The following WDR27 variants were observed in gnomAD, a reference collection of about 807,000 sequenced individuals.
WDR27 encodes WD repeat domain 27.
In WDR27, 100 loss-of-function variants were observed where a neutral mutation model predicts 114.4. That is an observed-to-expected ratio of 0.87 (90% confidence interval 0.74 to 1.03). The LOEUF (loss-of-function observed/expected upper bound fraction) is 1.03. WDR27 is among the 50% of genes least tolerant of loss of function. The pLI is 0.00. For synonymous variants in WDR27, 449 were observed against 423.1 expected (o/e 1.06, Z -0.75); for missense variants, 1,129 against 1,092.9 (o/e 1.03, Z -0.47).
Position 169,561,907 on chromosome 6 carries a change from A to G in WDR27, c.2645+10512T>C, listed in dbSNP as rs558413116. ...CCTAACACTAACAAAAGAAAGCTAG[A>G]GTGGCTATATTAATATCGGACAAAG... On this transcript the variant is annotated intron_variant, in intron 25 of 25. Coordinates refer to ENST00000448612, the MANE Select transcript of WDR27 (RefSeq NM_182552.5). Among the ~76,000 whole-genome samples the G allele has an allele frequency of 5.9e-4, 90 of 152,344 alleles. No homozygotes were observed. In the Middle Eastern group the frequency reaches 0.01, roughly 17 times the overall value.
At chr6:169,610,786 C>T (rs1810348867) in intron 22 of WDR27, among the ~76,000 whole-genome samples, 2 of 152,138 alleles carry the variant, frequency 1.3e-5, no homozygotes, top group South Asian at 4.1e-4. Flanking sequence ...AGTGAAGTAA[C>T]TCAGAAATGA....
At chr6:169,637,171 C>CGATA (rs1817838079) in intron 18 of WDR27, among the ~76,000 whole-genome samples, 1 of 152,120 alleles carries the variant, frequency 6.6e-6, no homozygotes, top group African/African-American at 2.4e-5. Flanking sequence ...GGTTATCTAT[C>CGATA]ATCTTCCTGT....
At chr6:169,486,155 T>G (rs1788857622) in intron 25 of WDR27, among the ~76,000 whole-genome samples, 2 of 145,750 alleles carry the variant, frequency 1.4e-5, no homozygotes, top group South Asian at 4.2e-4. Context: ...TTAAAAAGGT[T>G]TTTTTTTTTT....
chr6:169,602,317 C>G lies in WDR27; in HGVS notation c.2326G>C (p.Glu776Gln), dbSNP rs149946921. The G allele has an allele frequency of 1.1e-4, 171 of 1,543,300 alleles. No homozygotes were observed. In the African/African-American group the frequency reaches 1.9e-3, roughly 17 times the overall value. The change falls in exon 23 of 26, where the codon GAG becomes CAG. Residue 776 changes from glutamate (E) to glutamine (Q), a missense_variant. Transcript: ENST00000448612. ...RLWDLRTLRC[E>Q]RHFEGHPTRG... ...GTTGGATGCCCTTCAAAGTGGCGCT[C>G]ACACCTACAGGGAGGAAAGAAACAC... is the stretch of plus-strand genomic sequence containing the variant.
intron 25 of WDR27, among the ~76,000 whole-genome samples, chr6:169,458,493 T>C (rs1406034976): frequency 2.0e-5 from 3 of 152,070 alleles, no homozygotes; most frequent in Non-Finnish European, 4.4e-5. Flanking sequence ...AAAAAATGTA[T>C]AGGAGCCAGA....
intron 25 of WDR27, among the ~76,000 whole-genome samples, chr6:169,562,473 T>C (rs554652323): frequency 2.4e-4 from 36 of 152,238 alleles, no homozygotes; most frequent in African/African-American, 7.9e-4. Flanking sequence ...ATTTTCACAA[T>C]TTGGGGGATC....
At chr6:169,664,719 T>C in intron 7 of WDR27, 1 of 999,960 alleles carries the variant, frequency 1.0e-6, no homozygotes, top group Non-Finnish European at 1.2e-6. Context: ...TTTCAAATTA[T>C]AAAAACAGCA....
chr6:169,517,840 G>A (rs983422335), intron 25 of WDR27, among the ~76,000 whole-genome samples: 8 of 152,108 alleles, frequency 5.3e-5, no homozygotes, highest in Non-Finnish European at 8.8e-5. Flanking sequence ...GTTCAAGATT[G>A]CTTGCATGTG....
intron 1 of WDR27, chr6:169,689,221 G>C (rs150267336): frequency 7.5e-6 from 3 of 400,432 alleles, no homozygotes; most frequent in African/African-American, 2.1e-5. Context: ...TTCTTCTCAC[G>C]GGCTTTCCAG....
chr6:169,509,962 T>C (rs976041332), intron 25 of WDR27, among the ~76,000 whole-genome samples: 1 of 152,154 alleles, frequency 6.6e-6, no homozygotes, highest in African/African-American at 2.4e-5. Flanking sequence ...CATCAAAAAG[T>C]GGGCAAAGGA....
downstream of WDR27, among the ~76,000 whole-genome samples, chr6:169,455,791 A>G (rs996779929): frequency 1.3e-5 from 2 of 152,168 alleles, no homozygotes; most frequent in Admixed American, 6.5e-5. Context: ...TTATGCTGCA[A>G]CCTGACACAG....
At chr6:169,602,551 G>A (rs987996226) in intron 22 of WDR27, among the ~76,000 whole-genome samples, 1 of 152,028 alleles carries the variant, frequency 6.6e-6, no homozygotes, top group Non-Finnish European at 1.5e-5. Flanking sequence ...AAAACTAATA[G>A]TAAATAAGCT....
intron 25 of WDR27, among the ~76,000 whole-genome samples, chr6:169,516,835 A>ACACACACACACACC (rs1491176990): frequency 1.4e-5 from 2 of 144,554 alleles, no homozygotes; most frequent in African/African-American, 2.7e-5. Context: ...ACACACACAC[A>ACACACACACACACC]CCCCTCCCTT....
Position 169,670,557 on chromosome 6 carries a change from T to C in WDR27, c.456+12A>G. ...AACCCTTCCGTGAAATCCACGTGAA[T>C]TTCAATCTTACCTCAATATCCAGCA... On this transcript the variant is annotated intron_variant, in intron 4 of 25. Transcript: ENST00000448612. 3 of 1,613,972 alleles carry C rather than the reference T, an allele frequency of 1.9e-6. No homozygotes were observed. Among genetic ancestry groups the C allele is most frequent in the Non-Finnish European group, 2.5e-6 (3 of 1,179,862 alleles).
intron 21 of WDR27, among the ~76,000 whole-genome samples, chr6:169,616,556 T>A (rs1415794453): frequency 1.3e-5 from 2 of 151,816 alleles, no homozygotes; most frequent in African/African-American, 4.8e-5. Flanking sequence ...TTTTAACACA[T>A]CTCTCAGTAA....
chr6:169,666,902 CAGAA>C, intron 6 of WDR27: 3 of 985,486 alleles, frequency 3.0e-6, no homozygotes, highest in Non-Finnish European at 3.6e-6. Flanking sequence ...TCCTCCAAAA[CAGAA>C]AGGCCCAGAC....
At chr6:169,650,673 C>T (rs1047380933) in intron 14 of WDR27, among the ~76,000 whole-genome samples, 30 of 149,394 alleles carry the variant, frequency 2.0e-4, no homozygotes, top group African/African-American at 7.2e-4. Flanking sequence ...ACCAACTCAT[C>T]CATCTCTCAT....
intron 25 of WDR27, among the ~76,000 whole-genome samples, chr6:169,543,635 T>C (rs1387280810): frequency 6.6e-6 from 1 of 152,164 alleles, no homozygotes; most frequent in African/African-American, 2.4e-5. Flanking sequence ...CAGCATTTAG[T>C]CTGTTGCAAT....
At chr6:169,587,715 C>G (rs577070889) in intron 23 of WDR27, among the ~76,000 whole-genome samples, 11 of 152,222 alleles carry the variant, frequency 7.2e-5, no homozygotes, top group Non-Finnish European at 1.5e-4. Context: ...GTATGCCTTT[C>G]TCATAACAAT....
Sources: gnomAD v4.1 joint callset for allele counts (sites outside exome capture counted in the v4.1 genomes callset) on GRCh38, gnomAD v4.1.1 for gene constraint, MANE v1.5 for transcripts, NCBI Gene and HGNC (gene_info 2026-07-23, HGNC 2026-07-21) for gene names.